The following PCGF5 variants were observed in gnomAD, a reference collection of about 807,000 sequenced individuals.
The protein encoded by PCGF5 is polycomb group ring finger 5, also known as polycomb group RING finger protein 5.
In PCGF5, 9 loss-of-function variants were observed where a neutral mutation model predicts 44.3. The observed-to-expected ratio is 0.20, with a 90% CI of 0.12 to 0.35. The LOEUF (loss-of-function observed/expected upper bound fraction) is 0.35. Ranked by LOEUF, PCGF5 falls within the 10% of genes least tolerant of loss-of-function variation. The pLI is 1.00. For missense variants in PCGF5, 146 were observed against 305.3 expected (o/e 0.48, Z 3.89); for synonymous variants, 95 against 102.5 (o/e 0.93, Z 0.44).
chr10:91,249,552 A>G (rs961640390), intron 5 of PCGF5, among the ~76,000 whole-genome samples: 1 of 151,662 alleles, frequency 6.6e-6, no homozygotes. Context: ...GTGTGTTCTT[A>G]TAGGGTCACT....
chr10:91,157,643 A>C, the PCGF5 span, among the ~76,000 whole-genome samples: 1 of 152,348 alleles, frequency 6.6e-6, no homozygotes, highest in Non-Finnish European at 1.5e-5. Flanking sequence ...GGAGTCATCA[A>C]AGATCGCCCA....
chr10:91,227,554 T>C (rs565477590), intron 2 of PCGF5: 1 of 1,194,820 alleles, frequency 8.4e-7, no homozygotes, highest in African/African-American at 1.6e-5. Context: ...ATCCCTCTGT[T>C]ACTGTTCTCA....
At chr10:91,175,297 A>G (rs1440122037) in intron 1 of PCGF5, among the ~76,000 whole-genome samples, 1 of 152,178 alleles carries the variant, frequency 6.6e-6, no homozygotes, top group Admixed American at 6.5e-5. Flanking sequence ...TCGACTGAAA[A>G]AGGAATTTAA....
At chr10:91,239,366 G>A (rs936473929) in intron 2 of PCGF5, among the ~76,000 whole-genome samples, 3 of 152,094 alleles carry the variant, frequency 2.0e-5, no homozygotes, top group Non-Finnish European at 2.9e-5. Context: ...TTAGATACCT[G>A]GTAGAGTTCT....
chr10:91,277,656 G>T (rs1589416004), intron 9 of PCGF5, among the ~76,000 whole-genome samples: 2 of 152,180 alleles, frequency 1.3e-5, no homozygotes, highest in African/African-American at 4.8e-5. Flanking sequence ...ATGTTTATTA[G>T]TATCAACTGT....
chr10:91,245,471 G>T (rs1172277401), intron 3 of PCGF5, among the ~76,000 whole-genome samples: 1 of 152,096 alleles, frequency 6.6e-6, no homozygotes, highest in East Asian at 1.9e-4. Context: ...TGCTACAAAT[G>T]GGAGCAAAGA....
At chr10:91,218,529 A>G (rs1037194166), upstream of PCGF5, among the ~76,000 whole-genome samples, 55 of 152,202 alleles carry the variant, frequency 3.6e-4, no homozygotes, top group Non-Finnish European at 1.2e-4. Flanking sequence ...GCAGCACAGC[A>G]GCTGAAAGTC....
At position 91,235,791 on chromosome 10, in the gene PCGF5, C is replaced by T. The variant is rs545504613; in HGVS notation, c.113-4693C>T. ...CTCTCTTTTTGCCTGCTGTCATTCA[C>T]GTAAGATGTGACTTGCTCCTCCTTG... On this transcript the variant is annotated intron_variant, in intron 2 of 9. Transcript: ENST00000336126. Among the ~76,000 whole-genome samples, 5 of 152,302 alleles carry T rather than the reference C, an allele frequency of 3.3e-5. No individual in the cohort carries two copies. In the South Asian group the frequency reaches 8.3e-4, roughly 25 times the overall value.
intron 2 of PCGF5, among the ~76,000 whole-genome samples, chr10:91,237,410 A>T (rs1845194033): frequency 6.6e-6 from 1 of 152,208 alleles, no homozygotes; most frequent in African/African-American, 2.4e-5. Flanking sequence ...GTCAGGAAAG[A>T]CAGTTTTTGG....
chr10:91,263,212 G>T (rs932610137), intron 7 of PCGF5, among the ~76,000 whole-genome samples: 10 of 152,172 alleles, frequency 6.6e-5, no homozygotes, highest in Admixed American at 1.3e-4. Flanking sequence ...GGGCAAGATA[G>T]TTTAGTTGTT....
intron 1 of PCGF5, among the ~76,000 whole-genome samples, chr10:91,184,177 C>G (rs1843874444): frequency 6.6e-6 from 1 of 152,086 alleles, no homozygotes; most frequent in Admixed American, 6.5e-5. Context: ...TTCCATTCTC[C>G]TCATCTCTTT....
chr10:91,255,594 T>C (rs2133392859), intron 6 of PCGF5, among the ~76,000 whole-genome samples: 1 of 152,270 alleles, frequency 6.6e-6, no homozygotes, highest in East Asian at 1.9e-4. Flanking sequence ...TGTTCCATTA[T>C]TAGCTGACCT....
chr10:91,274,000 A>T (rs1352964124), intron 9 of PCGF5, among the ~76,000 whole-genome samples: 6 of 151,950 alleles, frequency 3.9e-5, no homozygotes, highest in Non-Finnish European at 7.4e-5. Context: ...TGAAATAATT[A>T]TACAAAGGAA....
At chr10:91,273,214 A>C (rs1319464984) in intron 9 of PCGF5, among the ~76,000 whole-genome samples, 5 of 152,228 alleles carry the variant, frequency 3.3e-5, no homozygotes, top group Admixed American at 3.3e-4. Flanking sequence ...GGGGTAAATA[A>C]TTTAACTGAG....
rs1047080504 is a variant in PCGF5 at position 91,280,000 on chromosome 10, CTGT to C, written c.*1692_*1694del. On this transcript the variant is annotated 3_prime_UTR_variant, in exon 10 of 10. Transcript: ENST00000336126. ...GAGTCAAAAAGTCTATTAAATTTTT[CTGT>C]TGTTGTTCCAACTTTGGTGAAAAAG... 4.6e-5 allele frequency: 7 copies of C among 151,882 alleles called. No homozygotes were observed. Among genetic ancestry groups the C allele is most frequent in the African/African-American group, 7.2e-5 (3 of 41,380 alleles). The allele number at this position is 151,882 out of a possible 1,614,324, so 9.4% of individuals were successfully genotyped here. A position where few individuals can be genotyped will look rare whatever the true frequency, so the allele number is the denominator to read the frequency against.
intron 3 of PCGF5, among the ~76,000 whole-genome samples, chr10:91,244,436 A>G (rs1407364758): frequency 6.6e-6 from 1 of 152,180 alleles, no homozygotes; most frequent in East Asian, 1.9e-4. Context: ...ATACTGGGCA[A>G]CAAGAGCAGA....
chr10:91,248,450 A>G (rs1845527977), intron 3 of PCGF5, 55 bp from the exon 4 acceptor site: 5 of 1,435,918 alleles, frequency 3.5e-6, no homozygotes, highest in Non-Finnish European at 4.9e-6. Context: ...GACTATTTAC[A>G]TGTCAGATCT....
chr10:91,167,513 G>A (rs1843520864), intron 1 of PCGF5, among the ~76,000 whole-genome samples: 1 of 152,214 alleles, frequency 6.6e-6, no homozygotes, highest in Admixed American at 6.5e-5. Flanking sequence ...CGGCAAAAAT[G>A]TAGGGACCAG....
At chr10:91,242,202 C>T (rs1302926644) in intron 3 of PCGF5, among the ~76,000 whole-genome samples, 3 of 149,972 alleles carry the variant, frequency 2.0e-5, no homozygotes, top group Non-Finnish European at 4.4e-5. Flanking sequence ...GACAGGGATG[C>T]TACTAAGCAT....
Sources: gnomAD v4.1 joint callset for allele counts (sites outside exome capture counted in the v4.1 genomes callset) on GRCh38, gnomAD v4.1.1 for gene constraint, MANE v1.5 for transcripts, NCBI Gene and HGNC (gene_info 2026-07-23, HGNC 2026-07-21) for gene names.